Variants in EFCAB3 observed in about 807,000 individuals in gnomAD.
EFCAB3 encodes EF-hand calcium binding domain 3.
Under a neutral mutation model 42.2 loss-of-function variants are expected in EFCAB3, and 36 were observed. That is an observed-to-expected ratio of 0.85 (90% confidence interval 0.65 to 1.13). The LOEUF (loss-of-function observed/expected upper bound fraction) is 1.13. Among genes scored for constraint, EFCAB3 ranks in the 50% most tolerant of loss-of-function variants. The pLI is 0.00. For synonymous variants in EFCAB3, 170 were observed against 172.8 expected, an observed-to-expected ratio of 0.98 and a Z score of 0.13; for missense variants, 418 against 505.1, an observed-to-expected ratio of 0.83 and a Z score of 1.65.
At chr17:62,410,605 A>AAT (rs1162997246) in intron 8 of EFCAB3, among the ~76,000 whole-genome samples, 1 of 151,886 alleles carries the variant, frequency 6.6e-6, no homozygotes, top group Non-Finnish European at 1.5e-5. Flanking sequence ...TATATATATA[A>AAT]ATATATATAT....
chr17:62,410,158 C>A (rs1347507118), intron 8 of EFCAB3, among the ~76,000 whole-genome samples: 2 of 152,062 alleles, frequency 1.3e-5, no homozygotes, highest in Admixed American at 6.6e-5. Context: ...AAGATCACAC[C>A]ATTGCACTCC....
intron 6 of EFCAB3, chr17:62,397,849 C>A (rs927106803): frequency 1.4e-5 from 4 of 278,700 alleles, no homozygotes; most frequent in African/African-American, 2.3e-5. Context: ...ATGGTGAAAC[C>A]CCGTCTCTAC....
At chr17:62,397,062 T>A (rs2070356450) in intron 6 of EFCAB3, among the ~76,000 whole-genome samples, 1 of 152,188 alleles carries the variant, frequency 6.6e-6, no homozygotes, top group African/African-American at 2.4e-5. Flanking sequence ...CACAGTCTGA[T>A]TCCAGAACTC....
intron 2 of EFCAB3, among the ~76,000 whole-genome samples, chr17:62,375,339 T>C (rs2070141990): frequency 1.3e-5 from 2 of 152,218 alleles, no homozygotes; most frequent in South Asian, 4.1e-4. Flanking sequence ...CAGAAAACTT[T>C]CAGGAATGTT....
intron 6 of EFCAB3, among the ~76,000 whole-genome samples, chr17:62,395,490 A>G (rs187619705): frequency 1.8e-3 from 281 of 152,278 alleles, no homozygotes; most frequent in African/African-American, 6.4e-3. Context: ...CCAGCAGAAC[A>G]AGACTTTTCC....
At chr17:62,388,442 G>GA (rs1364846819) in intron 3 of EFCAB3, among the ~76,000 whole-genome samples, 1 of 152,090 alleles carries the variant, frequency 6.6e-6, no homozygotes, top group East Asian at 1.9e-4. Flanking sequence ...ACAAAGGCCA[G>GA]AAAAAAGGGA....
At chr17:62,372,176 C>T (rs767900146) in intron 1 of EFCAB3, among the ~76,000 whole-genome samples, 25 of 152,140 alleles carry the variant, frequency 1.6e-4, no homozygotes, top group Non-Finnish European at 3.4e-4. Context: ...TGAACCAATC[C>T]GTTGCAAACA....
Position 62,393,634 on chromosome 17 carries a change from C to T in EFCAB3, c.357C>T (p.Leu119=), listed in dbSNP as rs776950824. 6.2e-7 allele frequency: 1 copy of T among 1,613,994 alleles called. No homozygotes were observed. The highest frequency in any genetic ancestry group is 1.1e-5 in the South Asian group (1 of 91,052). The stretch of plus-strand genomic sequence containing the variant: ...TTCTAACAGATAAGAATCTCTTCCT[C>T]AAGGCAGTGGGTGAGTAGAGATGTT... The part of the protein sequence containing the change: ...IKVLTDKNLF[L]KAVVPEKETC... Residue 119 remains leucine, a synonymous_variant, in exon 5 of 10, where the codon CTC becomes CTT. Coordinates refer to ENST00000305286, the MANE Select transcript of EFCAB3 (RefSeq NM_173503.4).
intron 8 of EFCAB3, among the ~76,000 whole-genome samples, chr17:62,411,523 C>T (rs1598022487): frequency 6.6e-6 from 1 of 152,158 alleles, no homozygotes; most frequent in East Asian, 1.9e-4. Flanking sequence ...AATCCCAGCA[C>T]TTTGGGAGGC....
upstream of EFCAB3, among the ~76,000 whole-genome samples, chr17:62,378,785 G>T (rs1162743591): frequency 2.3e-5 from 3 of 132,072 alleles, no homozygotes; most frequent in South Asian, 7.5e-4. Flanking sequence ...GGGGTGGGGG[G>T]CTAGGGGAGA....
At position 62,395,105 on chromosome 17, in the gene EFCAB3, C is replaced by G; in HGVS notation, c.405C>G (p.Asn135Lys). 2 of 1,614,052 alleles carry G rather than the reference C, an allele frequency of 1.2e-6. No homozygotes were observed. The highest frequency in any genetic ancestry group is 1.7e-6 in the Non-Finnish European group (2 of 1,180,020). The change falls in exon 6 of 10, where the codon AAC becomes AAG. Residue 135 changes from asparagine (N) to lysine (K), a missense_variant. Transcript: ENST00000305286. ...AGACCTGTTTAGATTTGGCTGGCAA[C>G]CCAGGAATCCTATTGTTTGAAATCC... ...EKETCLDLAG[N>K]PGILLFEILS...
intron 2 of EFCAB3, among the ~76,000 whole-genome samples, chr17:62,383,772 A>G (rs1598007540): frequency 6.6e-6 from 1 of 152,160 alleles, no homozygotes; most frequent in African/African-American, 2.4e-5. Flanking sequence ...AAGAAGAAAA[A>G]ATTTAGAAGA....
In EFCAB3 at chr17:62,391,956, G is replaced by T. The variant is rs759580357; in HGVS notation, c.286G>T (p.Asp96Tyr). The T allele has an allele frequency of 6.3e-7, 1 of 1,599,364 alleles. No homozygotes were observed. Among genetic ancestry groups the T allele is most frequent in the Non-Finnish European group, 8.5e-7 (1 of 1,171,022 alleles). The change falls in exon 4 of 10, where the codon GAT becomes TAT. Residue 96 changes from aspartate to tyrosine, a missense_variant. Physicochemically the swap from Asp to Tyr is radical, Grantham distance 160 (BLOSUM62 -3). Coordinates refer to ENST00000305286, the MANE Select transcript of EFCAB3 (RefSeq NM_173503.4). ...TGTCTATAATGAATTGAAATGTGCTGATATTGATCGTGAGTCCTTTGGCTT... is the reference window on the plus strand; with the variant it reads ...TGTCTATAATGAATTGAAATGTGCTTATATTGATCGTGAGTCCTTTGGCTT... The part of the protein sequence containing the change: ...HDVYNELKCA[D>Y]IDRDGKVNFS...
At chr17:62,372,590 G>A (rs901921337) in intron 1 of EFCAB3, among the ~76,000 whole-genome samples, 1 of 151,980 alleles carries the variant, frequency 6.6e-6, no homozygotes, top group Non-Finnish European at 1.5e-5. Flanking sequence ...CAGTTGAAGA[G>A]ATTCTTTACA....
intron 6 of EFCAB3, among the ~76,000 whole-genome samples, chr17:62,403,278 CCTGT>C (rs998535184): frequency 5.9e-5 from 9 of 152,116 alleles, no homozygotes; most frequent in Admixed American, 3.3e-4. Context: ...ATCACTAAGC[CCTGT>C]CTATCTTACC....
In EFCAB3 at chr17:62,393,645, G is replaced by T. The variant is rs1244447077; in HGVS notation, c.367+1G>T. ...AAGAATCTCTTCCTCAAGGCAGTGG[G>T]TGAGTAGAGATGTTATGAACAGAAG... On this transcript the variant is annotated splice_donor_variant, in intron 5 of 9. Transcript: ENST00000305286. LOFTEE classifies it high-confidence loss of function. 6.2e-7 allele frequency: 1 copy of T among 1,613,726 alleles called. No homozygotes were observed. The highest frequency in any genetic ancestry group is 8.5e-7 in the Non-Finnish European group (1 of 1,179,670).
At chr17:62,385,126 T>C (rs1163844847) in intron 2 of EFCAB3, among the ~76,000 whole-genome samples, 1 of 152,126 alleles carries the variant, frequency 6.6e-6, no homozygotes. Context: ...AAATAACCTA[T>C]CTGAATAAGG....
intron 5 of EFCAB3, 68 bp downstream of exon 5, chr17:62,393,712 C>A: frequency 7.3e-7 from 1 of 1,370,682 alleles, no homozygotes; most frequent in Non-Finnish European, 1.0e-6. Context: ...AAACATCATT[C>A]ACAGGCTTCC....
intron 3 of EFCAB3, 68 bp from the exon 4 acceptor site, chr17:62,391,754 C>A: frequency 6.5e-7 from 1 of 1,529,170 alleles, no homozygotes; most frequent in Non-Finnish European, 8.9e-7. Context: ...ATTGTCTGTC[C>A]TAGTCCTATT....
Sources: gnomAD v4.1 joint callset for allele counts (sites outside exome capture counted in the v4.1 genomes callset) on GRCh38, gnomAD v4.1.1 for gene constraint, MANE v1.5 for transcripts, NCBI Gene and HGNC (gene_info 2026-07-23, HGNC 2026-07-21) for gene names.